ST6GALNAC1: variants seen among roughly 807,000 people sequenced by gnomAD.
ST6GALNAC1 encodes the protein ST6 N-acetylgalactosaminide alpha-2,6-sialyltransferase 1.
A neutral mutation model predicts 56.8 loss-of-function variants in ST6GALNAC1; 45 were observed. The observed-to-expected ratio is 0.79, with a 90% confidence interval of 0.62 to 1.02. ST6GALNAC1 has a LOEUF of 1.02. ST6GALNAC1 is among the 50% of genes least tolerant of loss of function. The pLI is 0.00. For missense variants in ST6GALNAC1, 743 were observed against 754.8 expected (o/e 0.98, Z 0.18); for synonymous variants, 295 against 297.8 (o/e 0.99, Z 0.10).
chr17:76,632,119 G>C (rs930374056), intron 1 of ST6GALNAC1, among the ~76,000 whole-genome samples: 10 of 151,984 alleles, frequency 6.6e-5, no homozygotes, highest in African/African-American at 2.4e-4. Context: ...AACAGCTCTT[G>C]TTACCCAGCA....
the ST6GALNAC1 span, among the ~76,000 whole-genome samples, chr17:76,619,739 A>AGTT: frequency 9.0e-5 from 8 of 88,408 alleles, no homozygotes; most frequent in African/African-American, 3.0e-4. Context: ...TAATAATGTT[A>AGTT]GTTTTTTTTT....
rs759451622 is a variant in ST6GALNAC1 at position 76,626,069 on chromosome 17, TC to T, written c.1441del (p.Glu481LysfsTer19). ...FRHRPQEAFR[E>X]ALHMDRYLLL... ...CAGGTACCTGTCCATGTGCAGGGCT[TC>T]CCGAAAAGCTTCCTGGGGTCTGTGC... On this transcript the variant is annotated frameshift_variant, in exon 7 of 9. Coordinates refer to ENST00000156626, the MANE Select transcript of ST6GALNAC1 (RefSeq NM_018414.5). LOFTEE classifies it high-confidence loss of function. The T allele has an allele frequency of 4.3e-6, 7 of 1,614,054 alleles. No individual in the cohort carries two copies. In the South Asian group the frequency reaches 7.7e-5, roughly 18 times the overall value.
At chr17:76,642,160 C>A (rs1215009559) in intron 1 of ST6GALNAC1, among the ~76,000 whole-genome samples, 1 of 151,826 alleles carries the variant, frequency 6.6e-6, no homozygotes, top group African/African-American at 2.4e-5. Context: ...CTCCATCTAT[C>A]TATCCATCTA....
chr17:76,643,455 T>G, intron 1 of ST6GALNAC1, 53 bp downstream of exon 1: 1 of 1,600,524 alleles, frequency 6.2e-7, no homozygotes, highest in Non-Finnish European at 8.5e-7. Context: ...CTATCATTTT[T>G]CTGTTTCCTC....
At chr17:76,619,284 C>T in the ST6GALNAC1 span, among the ~76,000 whole-genome samples, 11 of 152,196 alleles carry the variant, frequency 7.2e-5, no homozygotes, top group East Asian at 3.8e-4. Flanking sequence ...CCCAAGATTA[C>T]GTGTACTCAC....
At chr17:76,640,871 C>T (rs2076039886) in intron 1 of ST6GALNAC1, among the ~76,000 whole-genome samples, 1 of 152,116 alleles carries the variant, frequency 6.6e-6, no homozygotes, top group Admixed American at 6.6e-5. Flanking sequence ...TATTTTGAAA[C>T]AGGAATTAAA....
At position 76,627,633 on chromosome 17, in the gene ST6GALNAC1, C is replaced by T. The variant is rs775294701; in HGVS notation, c.832-50G>A. The stretch of plus-strand genomic sequence containing the variant: ...GAAGGGAGAGACCCAGAAAGGCCAT[C>T]GGCCAGGGGCTGCACCACTGCAGCA... On this transcript the variant is annotated intron_variant, in intron 2 of 8. Coordinates refer to ENST00000156626, the MANE Select transcript of ST6GALNAC1 (RefSeq NM_018414.5). The surrounding 1 kb of genome is among the most constrained non-coding windows in gnomAD (Gnocchi z 4.4). The T allele has an allele frequency of 2.1e-5, 33 of 1,571,744 alleles. No individual in the cohort carries two copies. Among genetic ancestry groups the T allele is most frequent in the South Asian group, 4.6e-5 (4 of 87,658 alleles).
intron 1 of ST6GALNAC1, among the ~76,000 whole-genome samples, chr17:76,642,818 G>A (rs554086777): frequency 1.3e-5 from 2 of 151,156 alleles, no homozygotes; most frequent in South Asian, 4.2e-4. Flanking sequence ...TGTAGTCCCA[G>A]CTACTCAGGA....
At position 76,627,374 on chromosome 17, in the gene ST6GALNAC1, C is replaced by A. The variant is rs1315933272; in HGVS notation, c.1000+41G>T. 2.5e-6 allele frequency: 4 copies of A among 1,591,022 alleles called. No individual in the cohort carries two copies. The highest frequency in any genetic ancestry group is 3.4e-6 in the Non-Finnish European group (4 of 1,164,174). ...AGCTGCCCTCTGCCCTCTGCCCCGG[C>A]CTACTGCGCACCCACACCTTCCCCT... On this transcript the variant is annotated intron_variant, in intron 3 of 8. Transcript: ENST00000156626. The surrounding 1 kb of genome is among the most constrained non-coding windows in gnomAD (Gnocchi z 4.4).
chr17:76,625,415 C>T lies in ST6GALNAC1; in HGVS notation c.1718G>A (p.Arg573Lys). 3.1e-6 allele frequency: 5 copies of T among 1,614,168 alleles called. No individual in the cohort carries two copies. The highest frequency in any genetic ancestry group is 4.2e-6 in the Non-Finnish European group (5 of 1,180,032). ...FYINHDFKLEREVWKRLHDEG... is the reference protein window; with the variant it reads ...FYINHDFKLEKEVWKRLHDEG... ...ATCGTGTAGCCGCTTCCAGACTTCT[C>T]TCTCCAGCTTGAAGTCATGGTTTAT... The change falls in exon 9 of 9, where the codon AGA becomes AAA. Residue 573 changes from arginine to lysine, a missense_variant. By Grantham distance (26) the Arg-to-Lys change is conservative (BLOSUM62 2). Coordinates refer to ENST00000156626, the MANE Select transcript of ST6GALNAC1 (RefSeq NM_018414.5).
At chr17:76,634,994 A>G (rs546879433) in intron 1 of ST6GALNAC1, among the ~76,000 whole-genome samples, 3 of 152,350 alleles carry the variant, frequency 2.0e-5, no homozygotes, top group African/African-American at 7.2e-5. Context: ...CTTTGACTTT[A>G]GATGTGTCTA....
intron 1 of ST6GALNAC1, among the ~76,000 whole-genome samples, chr17:76,634,128 C>T (rs570400505): frequency 1.4e-3 from 208 of 152,286 alleles, no homozygotes; most frequent in African/African-American, 4.6e-3. Flanking sequence ...GCATGGAGAG[C>T]GAGCGGAAGT....
chr17:76,617,677 G>A, the ST6GALNAC1 span, among the ~76,000 whole-genome samples: 2 of 151,834 alleles, frequency 1.3e-5, no homozygotes, highest in African/African-American at 4.8e-5. Context: ...AGGCTGAGGT[G>A]AGAGGGTCAC....
At chr17:76,625,636 C>T in intron 8 of ST6GALNAC1, 109 bp from the exon 9 acceptor site, 1 of 1,354,372 alleles carries the variant, frequency 7.4e-7, no homozygotes, top group Non-Finnish European at 1.0e-6. Flanking sequence ...TGGCTCCGTC[C>T]CTAGGGGTCT....
At position 76,631,065 on chromosome 17, in the gene ST6GALNAC1, CTGTGTGTGTG is replaced by C. The variant is rs34663902; in HGVS notation, c.132-1364_132-1355del. Among the ~76,000 whole-genome samples the C allele has an allele frequency of 1.1e-3, 164 of 146,906 alleles. 2 individuals carry two copies. Among genetic ancestry groups the C allele is most frequent in the East Asian group, 6.3e-3 (31 of 4,914 alleles). ...ATGCACCACCATGCCCAGCTAATCT[CTGTGTGTGTG>C]TGTGTGTGTGTGTGTGTGTGTGCAC... On this transcript the variant is annotated intron_variant, in intron 1 of 8. Coordinates refer to ENST00000156626, the MANE Select transcript of ST6GALNAC1 (RefSeq NM_018414.5).
rs764014301 is a variant in ST6GALNAC1, at chr17:76,639,942, C to T, written c.131+3566G>A. ...TGAGCGCCTGTCTTGGAGGGTGGGG[C>T]TAGGGGGTCCCTGCCTGCCCTGAGG... On this transcript the variant is annotated intron_variant, in intron 1 of 8. Transcript: ENST00000156626. Among the ~76,000 whole-genome samples, 36 of 152,038 alleles carry T rather than the reference C, an allele frequency of 2.4e-4. 1 individual carries two copies. Among genetic ancestry groups the T allele is most frequent in the South Asian group, 6.3e-4 (3 of 4,794 alleles).
intron 1 of ST6GALNAC1, among the ~76,000 whole-genome samples, chr17:76,642,277 AATG>A (rs2076060033): frequency 7.1e-6 from 1 of 141,252 alleles, no homozygotes; most frequent in Non-Finnish European, 1.5e-5. Context: ...GCATAAAGGT[AATG>A]AGCACAGGGT....
At position 76,627,730 on chromosome 17, in the gene ST6GALNAC1, C is replaced by T; in HGVS notation, c.832-147G>A. On this transcript the variant is annotated intron_variant, in intron 2 of 8. Coordinates refer to ENST00000156626, the MANE Select transcript of ST6GALNAC1 (RefSeq NM_018414.5). The surrounding 1 kb of genome is among the most constrained non-coding windows in gnomAD (Gnocchi z 4.4). The stretch of plus-strand genomic sequence containing the variant: ...CCATTCTGTTCTCAGGGTCTGCTTA[C>T]CCTCCCCTTCCCATTGTCTGGGCTC... 1.4e-6 allele frequency: 1 copy of T among 699,746 alleles called. No individual in the cohort carries two copies. Among genetic ancestry groups the T allele is most frequent in the Non-Finnish European group, 2.4e-6 (1 of 424,228 alleles). The allele number at this position is 699,746 out of a possible 1,614,324, so 43.3% of individuals were successfully genotyped here. A position where few individuals can be genotyped will look rare whatever the true frequency, so the allele number is the denominator to read the frequency against.
At chr17:76,638,797 T>C (rs2076009494) in intron 1 of ST6GALNAC1, among the ~76,000 whole-genome samples, 1 of 152,150 alleles carries the variant, frequency 6.6e-6, no homozygotes, top group Non-Finnish European at 1.5e-5. Context: ...GTCAGGCTGG[T>C]CTCGAACTCC....
Sources: gnomAD v4.1 joint callset for allele counts (sites outside exome capture counted in the v4.1 genomes callset) on GRCh38, gnomAD v4.1.1 for gene constraint, Gnocchi (gnomAD v3.1) non-coding constraint, MANE v1.5 for transcripts, NCBI Gene and HGNC (gene_info 2026-07-23, HGNC 2026-07-21) for gene names.